The following PHC3 variants were observed in gnomAD, a reference collection of about 807,000 sequenced individuals.
The protein encoded by PHC3 is polyhomeotic homolog 3.
PHC3 carries 13 observed loss-of-function variants against 107.4 expected under a neutral mutation model. The ratio of observed to expected loss-of-function variants is 0.12; its 90% CI spans 0.08 to 0.19. PHC3 has a LOEUF of 0.19. PHC3 is among the 10% of genes least tolerant of loss of function. PHC3 has a pLI of 1.00. For missense variants in PHC3, 992 were observed against 1,210.9 expected, an observed-to-expected ratio of 0.82 and a Z score of 2.68; for synonymous variants, 456 against 427.4, an observed-to-expected ratio of 1.07 and a Z score of -0.83.
chr3:170,147,124 C>G (rs1162216398), intron 5 of PHC3: 1 of 152,110 alleles, frequency 6.6e-6, no homozygotes, highest in Non-Finnish European at 1.5e-5. Context: ...CCTGCCTCGG[C>G]CTCCCAAAGT....
At chr3:170,098,884 T>G (rs761928729) in intron 14 of PHC3, among the ~76,000 whole-genome samples, 3 of 152,162 alleles carry the variant, frequency 2.0e-5, no homozygotes, top group Non-Finnish European at 4.4e-5. Flanking sequence ...ATAGTTGAAA[T>G]GGGATTACTC....
intron 4 of PHC3, among the ~76,000 whole-genome samples, chr3:170,163,463 T>A (rs866369314): frequency 0.065 from 482 of 7,444 alleles, 3 homozygotes; most frequent in African/African-American, 0.1. Context: ...TAGTAAAGAG[T>A]GTGTGTGTGT....
chr3:170,172,529 A>T (rs781133529), intron 3 of PHC3, 28 bp downstream of exon 3: 110 of 1,599,010 alleles, frequency 6.9e-5, no homozygotes, highest in Non-Finnish European at 8.5e-5. Flanking sequence ...AGAAACTTTG[A>T]TCTCATAAAC....
intron 6 of PHC3, among the ~76,000 whole-genome samples, chr3:170,143,460 G>T (rs868660428): frequency 6.6e-6 from 1 of 151,330 alleles, no homozygotes; most frequent in Non-Finnish European, 1.5e-5. Flanking sequence ...ATATATAGAG[G>T]TTTTATCAAA....
chr3:170,176,225 C>CAAA (rs375783409), intron 2 of PHC3, among the ~76,000 whole-genome samples: 5 of 82,288 alleles, frequency 6.1e-5, no homozygotes, highest in African/African-American at 9.3e-5. Flanking sequence ...GACTCGGTCT[C>CAAA]AAAAAAAAAA....
intron 7 of PHC3, 123 bp from the exon 8 acceptor site, chr3:170,129,675 TC>T: frequency 9.3e-7 from 1 of 1,069,622 alleles, no homozygotes; most frequent in Non-Finnish European, 1.3e-6. Context: ...TTACAAGTTT[TC>T]CAAACAAGAG....
At chr3:170,105,192 T>C (rs1336942630) in intron 12 of PHC3, among the ~76,000 whole-genome samples, 1 of 152,236 alleles carries the variant, frequency 6.6e-6, no homozygotes, top group African/African-American at 2.4e-5. Flanking sequence ...AAGGGAGTCC[T>C]TTCCCCAAAT....
intron 11 of PHC3, among the ~76,000 whole-genome samples, chr3:170,107,357 G>C (rs1014909016): frequency 2.6e-5 from 4 of 152,132 alleles, no homozygotes; most frequent in Admixed American, 2.0e-4. Context: ...TACATAGCAG[G>C]GAACTCTTAA....
At chr3:170,164,072 T>G (rs1728345271) in intron 4 of PHC3, among the ~76,000 whole-genome samples, 1 of 151,972 alleles carries the variant, frequency 6.6e-6, no homozygotes, top group Non-Finnish European at 1.5e-5. Flanking sequence ...TGTGGAGGCA[T>G]GCACCCATAG....
At position 170,178,869 on chromosome 3, in the gene PHC3, G is replaced by C; in HGVS notation, c.84C>G (p.Thr28=). The C allele has an allele frequency of 6.2e-7, 1 of 1,613,920 alleles. No homozygotes were observed. Among genetic ancestry groups the C allele is most frequent in the Non-Finnish European group, 8.5e-7 (1 of 1,179,808 alleles). ...NPGTSSVSTT[T]SSTTTTTITT... The stretch of plus-strand genomic sequence containing the variant: ...TGATGGTGGTGGTGGTGGTACTGCT[G>C]GTTGTTGTTGACACAGAAGATGTTC... Residue 28 remains threonine, a synonymous_variant, in exon 2 of 15, where the codon ACC becomes ACG. Coordinates refer to ENST00000495893, the MANE Select transcript of PHC3 (RefSeq NM_024947.4).
chr3:170,172,495 T>C, intron 3 of PHC3, 62 bp downstream of exon 3: 1 of 1,540,364 alleles, frequency 6.5e-7, no homozygotes, highest in South Asian at 1.2e-5. Flanking sequence ...ATCTATTTAT[T>C]TTCAGTAACT....
At chr3:170,160,643 G>C (rs1727733775) in intron 4 of PHC3, among the ~76,000 whole-genome samples, 2 of 152,230 alleles carry the variant, frequency 1.3e-5, no homozygotes, top group Admixed American at 6.5e-5. Context: ...GCTCACGCCT[G>C]TAATCCTAGC....
At chr3:170,168,912 T>C (rs1429864867) in intron 4 of PHC3, among the ~76,000 whole-genome samples, 2 of 151,896 alleles carry the variant, frequency 1.3e-5, no homozygotes. Flanking sequence ...AGATGGAGTA[T>C]CTGTTATATG....
chr3:170,164,293 AC>A (rs759472011), intron 4 of PHC3, among the ~76,000 whole-genome samples: 4 of 152,158 alleles, frequency 2.6e-5, no homozygotes, highest in Non-Finnish European at 5.9e-5. Flanking sequence ...AGTCACTTTT[AC>A]TCTATATATT....
intron 4 of PHC3, among the ~76,000 whole-genome samples, chr3:170,158,162 T>TCA (rs1370527996): frequency 6.6e-6 from 1 of 152,114 alleles, no homozygotes; most frequent in Non-Finnish European, 1.5e-5. Flanking sequence ...TAAGCTGACC[T>TCA]GAGCTCTTCA....
chr3:170,130,072 A>C (rs548064018), intron 7 of PHC3, among the ~76,000 whole-genome samples: 7 of 152,352 alleles, frequency 4.6e-5, no homozygotes, highest in South Asian at 2.1e-4. Context: ...GATAAGTTCT[A>C]AAAGAAAACT....
chr3:170,137,244 G>C (rs1277700356), intron 6 of PHC3, among the ~76,000 whole-genome samples: 1 of 152,148 alleles, frequency 6.6e-6, no homozygotes, highest in Non-Finnish European at 1.5e-5. Context: ...AACATTCACT[G>C]CCTTTGAAAA....
intron 7 of PHC3, among the ~76,000 whole-genome samples, chr3:170,131,828 C>T (rs1370311707): frequency 3.3e-5 from 5 of 151,932 alleles, no homozygotes; most frequent in African/African-American, 9.7e-5. Context: ...CAGAGGGAGA[C>T]GCCATCTCAA....
Position 170,088,652 on chromosome 3 carries a change from T to C in PHC3, c.*8578A>G, listed in dbSNP as rs566132528. On this transcript the variant is annotated 3_prime_UTR_variant, in exon 15 of 15. Transcript: ENST00000495893. ...AGAATACATATACAAAAAGTACTTATGGAATACATATTTTAACAGCATAAC... is the reference window on the plus strand; with the variant it reads ...AGAATACATATACAAAAAGTACTTACGGAATACATATTTTAACAGCATAAC... The C allele has an allele frequency of 5.9e-5, 9 of 152,328 alleles. No individual in the cohort carries two copies. Among genetic ancestry groups the C allele is most frequent in the Non-Finnish European group, 1.0e-4 (7 of 68,026 alleles). 9.4% of individuals were successfully genotyped at this position (152,328 alleles called of 1,614,324 possible).
Sources: gnomAD v4.1 joint callset for allele counts (sites outside exome capture counted in the v4.1 genomes callset) on GRCh38, gnomAD v4.1.1 for gene constraint, MANE v1.5 for transcripts, NCBI Gene and HGNC (gene_info 2026-07-23, HGNC 2026-07-21) for gene names.